The following THBS2 variants were observed in gnomAD, a reference collection of about 807,000 sequenced individuals.
THBS2 encodes the protein thrombospondin 2.
A neutral mutation model predicts 135.2 loss-of-function variants in THBS2; 47 were observed. That is an observed-to-expected ratio of 0.35 (90% CI 0.28 to 0.44). THBS2 has a LOEUF of 0.44. Ranked by LOEUF, THBS2 falls within the 20% of genes least tolerant of loss-of-function variation. The pLI is 1.00. For missense variants in THBS2, 1,288 were observed against 1,603.1 expected, an observed-to-expected ratio of 0.80 and a Z score of 3.36; for synonymous variants, 639 against 633.8, an observed-to-expected ratio of 1.01 and a Z score of -0.12.
In THBS2 at chr6:169,221,410, C is replaced by T. The variant is rs775774588; in HGVS notation, c.3371+20G>A. The T allele has an allele frequency of 1.2e-6, 2 of 1,610,194 alleles. No individual in the cohort carries two copies. The highest frequency in any genetic ancestry group is 1.3e-5 in the African/African-American group (1 of 74,846). On this transcript the variant is annotated intron_variant, in intron 20 of 21. Coordinates refer to ENST00000617924, the MANE Select transcript of THBS2 (RefSeq NM_003247.5). ...GGGAAGCCCCTTGGAAGAAATGCAG[C>T]TGTGCTGACCTGCCCTCACCTGATG... is the stretch of plus-strand genomic sequence containing the variant.
chr6:169,249,020 C>A (rs761788843), intron 2 of THBS2, 47 bp from the exon 3 acceptor site: 9 of 1,538,194 alleles, frequency 5.9e-6, no homozygotes, highest in Non-Finnish European at 7.0e-6. Context: ...GGGAAGAGGG[C>A]GAGGTTGGCC....
In THBS2 at chr6:169,248,454, T is replaced by C. The variant is rs780940948; in HGVS notation, c.572A>G (p.Tyr191Cys). ...EHLQAEKSRMYVAKGSARESH... is the reference protein window; with the variant it reads ...EHLQAEKSRMCVAKGSARESH... Reference sequence around the variant, plus strand: ...CTCTCTGGCAGAGCCTTTGGCCACGTACATCCGGCTCTTTTCCGCCTGCAG... The same window carrying C: ...CTCTCTGGCAGAGCCTTTGGCCACGCACATCCGGCTCTTTTCCGCCTGCAG... Residue 191 changes from tyrosine to cysteine, a missense_variant, in exon 3 of 22, where the codon TAC becomes TGC. This residue lies in a region of THBS2 where 414 missense variants were observed against 447.0 expected (regional missense o/e 0.93). Transcript: ENST00000617924. The C allele has an allele frequency of 1.2e-6, 2 of 1,611,966 alleles. No homozygotes were observed. Among genetic ancestry groups the C allele is most frequent in the South Asian group, 2.2e-5 (2 of 91,054 alleles).
intron 10 of THBS2, 37 bp downstream of exon 10, chr6:169,234,697 C>T (rs1485052449): frequency 2.7e-6 from 4 of 1,459,682 alleles, no homozygotes; most frequent in African/African-American, 1.4e-5. Context: ...GAATGGAAGC[C>T]CGGGTTTCAG....
chr6:169,231,163 G>T (rs578171181), intron 13 of THBS2, among the ~76,000 whole-genome samples: 1 of 152,250 alleles, frequency 6.6e-6, no homozygotes, highest in East Asian at 1.9e-4. Context: ...GTGGAATTAG[G>T]TCAAGGACAT....
chr6:169,222,612 T>C, intron 18 of THBS2, 144 bp from the exon 19 acceptor site: 1 of 888,468 alleles, frequency 1.1e-6, no homozygotes, highest in Non-Finnish European at 1.7e-6. Flanking sequence ...CTGACCAATA[T>C]GGTGAAACCT....
At chr6:169,226,683 A>G (rs1175480924) in intron 15 of THBS2, among the ~76,000 whole-genome samples, 1 of 152,256 alleles carries the variant, frequency 6.6e-6, no homozygotes, top group Non-Finnish European at 1.5e-5. Flanking sequence ...GCACATGAGT[A>G]GGAAAAAAAC....
At chr6:169,248,025 G>T (rs770302146) in intron 3 of THBS2, among the ~76,000 whole-genome samples, 1 of 148,400 alleles carries the variant, frequency 6.7e-6, no homozygotes, top group Admixed American at 6.8e-5. Context: ...GCATGTGTAT[G>T]TGGTGAGGTG....
At chr6:169,245,518 C>A (rs370140552) in intron 4 of THBS2, among the ~76,000 whole-genome samples, 16 of 152,072 alleles carry the variant, frequency 1.1e-4, no homozygotes, top group African/African-American at 2.9e-4. Context: ...CTAGGCCGGG[C>A]GTGGTGGCTC....
chr6:169,228,311 C>G (rs746197811), intron 14 of THBS2, 30 bp from the exon 15 acceptor site: 1 of 1,612,364 alleles, frequency 6.2e-7, no homozygotes, highest in South Asian at 1.1e-5. Context: ...AAGACTTTAA[C>G]GAAGATCATA....
intron 14 of THBS2, among the ~76,000 whole-genome samples, 167 bp from the exon 15 acceptor site, chr6:169,228,448 C>A (rs1000916997): frequency 2.0e-5 from 3 of 152,134 alleles, no homozygotes; most frequent in African/African-American, 7.2e-5. Context: ...TTAATCACAG[C>A]TGGGCACTGT....
intron 2 of THBS2, among the ~76,000 whole-genome samples, chr6:169,250,031 GAAA>G (rs57472232): frequency 1.5e-5 from 2 of 137,810 alleles, no homozygotes; most frequent in Non-Finnish European, 3.1e-5. Context: ...CTCCGTCCCA[GAAA>G]AAAAAAAAAA....
At chr6:169,240,386 C>T (rs1780245600) in intron 6 of THBS2, 66 bp downstream of exon 6, 16 of 1,583,724 alleles carry the variant, frequency 1.0e-5, no homozygotes, top group South Asian at 9.2e-5. Context: ...CATTTCCAGG[C>T]AGTCAGGTTC....
At position 169,217,425 on chromosome 6, in the gene THBS2, T is replaced by A. The variant is rs1779214575; in HGVS notation, c.*397A>T. 5.2e-6 allele frequency: 1 copy of A among 193,474 alleles called. No homozygotes were observed. Among genetic ancestry groups the A allele is most frequent in the Admixed American group, 6.1e-5 (1 of 16,510 alleles). The allele number at this position is 193,474 out of a possible 1,614,324, so 12.0% of individuals were successfully genotyped here. ...GTAGTTCAGCAATATTTTTCATGCT[T>A]AATTTATCATAATGGCTTATGCACA... On this transcript the variant is annotated 3_prime_UTR_variant, in exon 22 of 22. Coordinates refer to ENST00000617924, the MANE Select transcript of THBS2 (RefSeq NM_003247.5).
At chr6:169,218,626 GATGGATGAGATGGATGGTTGGGTGA>G (rs369592687) in intron 21 of THBS2, among the ~76,000 whole-genome samples, 25,728 of 141,118 alleles carry the variant, frequency 0.18, 2,241 homozygotes, top group Non-Finnish European at 0.22. Flanking sequence ...TGAATGGATG[GATGGATGAGATGGATGGTTGGGTGA>G]ATGGATGAGA....
chr6:169,221,700 C>G (rs1022762892), intron 19 of THBS2, among the ~76,000 whole-genome samples, 173 bp from the exon 20 acceptor site: 5 of 152,280 alleles, frequency 3.3e-5, no homozygotes, highest in Admixed American at 3.3e-4. Flanking sequence ...TGGATTGAAG[C>G]CCATGGACAG....
Position 169,220,346 on chromosome 6 carries a change from G to T in THBS2, c.3372-9C>A, listed in dbSNP as rs1252820002. 5.3e-5 allele frequency: 84 copies of T among 1,592,188 alleles called. No individual in the cohort carries two copies. The highest frequency in any genetic ancestry group is 6.9e-5 in the Non-Finnish European group (81 of 1,169,700). On this transcript the variant is annotated splice_polypyrimidine_tract_variant and intron_variant, in intron 20 of 21. Coordinates refer to ENST00000617924, the MANE Select transcript of THBS2 (RefSeq NM_003247.5). Reference sequence around the variant, plus strand: ...CTTCATGCACTAAGACTCTAAAAATGGTGTTTAAAAAGAAGAAGAGGAAAG... The same window carrying T: ...CTTCATGCACTAAGACTCTAAAAATTGTGTTTAAAAAGAAGAAGAGGAAAG...
chr6:169,241,921 C>T lies in THBS2; in HGVS notation c.732G>A (p.Leu244=). The change falls in exon 5 of 22, where the codon CTG becomes CTA. Residue 244 remains leucine (L), a synonymous_variant. Coordinates refer to ENST00000617924, the MANE Select transcript of THBS2 (RefSeq NM_003247.5). This position sits in a 1 kb window ranked among gnomAD's most constrained non-coding sequence, Gnocchi z 5.5. Reference sequence around the variant, plus strand: ...CGGTGGTGACATGCGGACCCAGGCGCAGCGTCTCTGTGTTCTCACTGATGG... The same window carrying T: ...CGGTGGTGACATGCGGACCCAGGCGTAGCGTCTCTGTGTTCTCACTGATGG... ...INAISENTET[L]RLGPHVTTEY... 1 of 1,611,672 alleles carries T rather than the reference C, an allele frequency of 6.2e-7. No homozygotes were observed. Among genetic ancestry groups the T allele is most frequent in the Non-Finnish European group, 8.5e-7 (1 of 1,179,802 alleles).
At chr6:169,245,990 G>T in intron 4 of THBS2, 1 of 424,468 alleles carries the variant, frequency 2.4e-6, no homozygotes, top group Non-Finnish European at 4.2e-6. Flanking sequence ...AAAATTAACT[G>T]TTTAATCAAT....
intron 7 of THBS2, chr6:169,239,237 A>C (rs1441151011): frequency 3.4e-6 from 1 of 293,446 alleles, no homozygotes. Context: ...GTGTGTGTAC[A>C]GTGATCACTT....
Sources: allele counts gnomAD v4.1 joint callset (sites outside exome capture counted in the v4.1 genomes callset), GRCh38; gene constraint gnomAD v4.1.1; regional missense constraint gnomAD v4.1.1; non-coding constraint Gnocchi (gnomAD v3.1); transcripts MANE v1.5; gene names NCBI Gene and HGNC (gene_info 2026-07-23, HGNC 2026-07-21).